The following MACROD2 variants were observed in gnomAD, a reference collection of about 807,000 sequenced individuals.
MACROD2 encodes the protein mono-ADP ribosylhydrolase 2.
A neutral mutation model predicts 70.4 loss-of-function variants in MACROD2; 36 were observed. The ratio of observed to expected loss-of-function variants is 0.51; its 90% CI spans 0.39 to 0.68. The LOEUF (loss-of-function observed/expected upper bound fraction) is 0.68. Ranked by LOEUF, MACROD2 falls within the 30% of genes least tolerant of loss-of-function variation. MACROD2 has a pLI of 0.00. For missense variants in MACROD2, 496 were observed against 538.4 expected (o/e 0.92, Z 0.78); for synonymous variants, 172 against 178.8 (o/e 0.96, Z 0.30).
At chr20:15,506,885 A>G (rs1056990980) in intron 8 of MACROD2, among the ~76,000 whole-genome samples, 13 of 152,220 alleles carry the variant, frequency 8.5e-5, no homozygotes, top group Non-Finnish European at 1.8e-4. Flanking sequence ...TTTTATGTCC[A>G]CAAACATCAT....
chr20:15,694,729 C>G (rs1468536854), intron 8 of MACROD2, among the ~76,000 whole-genome samples: 1 of 152,070 alleles, frequency 6.6e-6, no homozygotes, highest in Non-Finnish European at 1.5e-5. Context: ...TAATTAGGTC[C>G]CAGCTATTTA....
rs112965942 is a variant in MACROD2 at position 14,961,110 on chromosome 20, G to T, written c.419-268830G>T. On this transcript the variant is annotated intron_variant, in intron 5 of 17. Coordinates refer to ENST00000684519, the MANE Select transcript of MACROD2 (RefSeq NM_001351661.2). ...TAGCTTATTCTGCACTCATTATATA[G>T]AGAGAGAAATCTGTGTTGTGAAAAT... Among the ~76,000 whole-genome samples, 506 of 152,256 alleles carry T rather than the reference G, an allele frequency of 3.3e-3. 5 individuals carry two copies. The highest frequency in any genetic ancestry group is 6.4e-3 in the African/African-American group (267 of 41,550).
intron 8 of MACROD2, among the ~76,000 whole-genome samples, chr20:15,679,616 T>C (rs2050132642): frequency 6.6e-6 from 1 of 152,196 alleles, no homozygotes; most frequent in Non-Finnish European, 1.5e-5. Context: ...CTCTCAGAGC[T>C]TTGAGCTGCC....
chr20:15,034,230 C>A (rs1345311529), intron 5 of MACROD2, among the ~76,000 whole-genome samples: 1 of 152,136 alleles, frequency 6.6e-6, no homozygotes, highest in Non-Finnish European at 1.5e-5. Context: ...GCACTGCTAC[C>A]AAATTTGATG....
At chr20:15,453,779 A>G (rs2046676928) in intron 7 of MACROD2, among the ~76,000 whole-genome samples, 1 of 152,196 alleles carries the variant, frequency 6.6e-6, no homozygotes, top group South Asian at 2.1e-4. Context: ...AAAAAGCACC[A>G]TGCATGTTCA....
intron 6 of MACROD2, among the ~76,000 whole-genome samples, chr20:15,295,928 G>A (rs1432143783): frequency 6.6e-6 from 1 of 152,078 alleles, no homozygotes; most frequent in African/African-American, 2.4e-5. Context: ...TTAGCTCACT[G>A]CCACATTGGC....
intron 3 of MACROD2, among the ~76,000 whole-genome samples, chr20:14,339,541 G>A (rs572485289): frequency 4.0e-4 from 61 of 152,246 alleles, no homozygotes; most frequent in Middle Eastern, 3.4e-3. Flanking sequence ...AATCAGTTTC[G>A]TCTTCATTCA....
At chr20:14,365,157 A>G (rs2083260320) in intron 3 of MACROD2, among the ~76,000 whole-genome samples, 1 of 151,754 alleles carries the variant, frequency 6.6e-6, no homozygotes, top group Admixed American at 6.6e-5. Context: ...CTTGTGAGAG[A>G]CCTGTTGATA....
chr20:15,266,695 C>T (rs554191449), intron 6 of MACROD2, among the ~76,000 whole-genome samples: 3 of 152,212 alleles, frequency 2.0e-5, no homozygotes, highest in Non-Finnish European at 2.9e-5. Flanking sequence ...CCCCATCACT[C>T]CCAGGACAAA....
Position 14,317,245 on chromosome 20 carries a change from C to T in MACROD2, c.272-176234C>T, listed in dbSNP as rs572769845. On this transcript the variant is annotated intron_variant, in intron 3 of 17. Coordinates refer to ENST00000684519, the MANE Select transcript of MACROD2 (RefSeq NM_001351661.2). The stretch of plus-strand genomic sequence containing the variant: ...AATCTAAGTAGGTTCTCTTGTTATG[C>T]TCACTCATAGCACCATGTTTTTCTC... Among the ~76,000 whole-genome samples, 5 of 152,270 alleles carry T rather than the reference C, an allele frequency of 3.3e-5. No individual in the cohort carries two copies. In the East Asian group the frequency reaches 9.7e-4, roughly 29 times the overall value.
intron 8 of MACROD2, among the ~76,000 whole-genome samples, chr20:15,570,585 C>T (rs540085023): frequency 6.6e-6 from 1 of 152,296 alleles, no homozygotes; most frequent in African/African-American, 2.4e-5. Context: ...GGATTCAGCA[C>T]TCAAAACACT....
At chr20:14,123,797 A>G (rs2054613209) in intron 3 of MACROD2, among the ~76,000 whole-genome samples, 1 of 152,170 alleles carries the variant, frequency 6.6e-6, no homozygotes, top group Non-Finnish European at 1.5e-5. Context: ...GGAAATAGTG[A>G]AGAGAGTAAG....
chr20:14,217,908 G>A (rs1044466579), intron 3 of MACROD2, among the ~76,000 whole-genome samples: 41 of 152,000 alleles, frequency 2.7e-4, no homozygotes, highest in African/African-American at 9.4e-4. Flanking sequence ...TTCTTTTCTT[G>A]GTTAATCTTG....
intron 5 of MACROD2, among the ~76,000 whole-genome samples, chr20:15,155,254 C>T (rs1432091927): frequency 2.0e-5 from 3 of 152,120 alleles, no homozygotes; most frequent in Admixed American, 1.3e-4. Flanking sequence ...CCCTCTTTCC[C>T]TACAGAAAAC....
At chr20:14,218,918 G>A (rs1344430995) in intron 3 of MACROD2, among the ~76,000 whole-genome samples, 1 of 152,186 alleles carries the variant, frequency 6.6e-6, no homozygotes, top group East Asian at 1.9e-4. Flanking sequence ...AATCTGATAG[G>A]TGTTTCTTTA....
At chr20:14,706,178 G>A (rs1341179612) in intron 5 of MACROD2, among the ~76,000 whole-genome samples, 1 of 152,030 alleles carries the variant, frequency 6.6e-6, no homozygotes, top group Admixed American at 6.6e-5. Context: ...GCTGGGTGTG[G>A]TGGCACACAC....
At chr20:15,540,716 T>C (rs953403096) in intron 8 of MACROD2, among the ~76,000 whole-genome samples, 11 of 152,296 alleles carry the variant, frequency 7.2e-5, no homozygotes, top group African/African-American at 2.6e-4. Context: ...AAACTCAAGG[T>C]ATCGGCAGGG....
At chr20:14,711,824 T>C (rs2123663893) in intron 5 of MACROD2, among the ~76,000 whole-genome samples, 1 of 152,340 alleles carries the variant, frequency 6.6e-6, no homozygotes, top group South Asian at 2.1e-4. Context: ...TTAGAGCACT[T>C]ACAGTTTATC....
chr20:15,339,735 A>T (rs1426989115), intron 6 of MACROD2, among the ~76,000 whole-genome samples: 1 of 151,794 alleles, frequency 6.6e-6, no homozygotes, highest in African/African-American at 2.4e-5. Context: ...CACTTAGAAA[A>T]TTTAATTGGA....
Sources: gnomAD v4.1 joint callset for allele counts (sites outside exome capture counted in the v4.1 genomes callset) on GRCh38, gnomAD v4.1.1 for gene constraint, MANE v1.5 for transcripts, NCBI Gene and HGNC (gene_info 2026-07-23, HGNC 2026-07-21) for gene names.